AXL: variants seen among roughly 807,000 people sequenced by gnomAD.
The protein encoded by AXL is AXL receptor tyrosine kinase, also known as tyrosine-protein kinase receptor UFO.
In AXL, 52 loss-of-function variants were observed where a neutral mutation model predicts 104.5. That is an observed-to-expected ratio of 0.50 (90% confidence interval 0.40 to 0.63). The LOEUF (loss-of-function observed/expected upper bound fraction) is 0.63. Among genes scored for constraint, AXL ranks in the 20% least tolerant of loss-of-function variants. AXL has a pLI of 0.00. For synonymous variants in AXL, 455 were observed against 473.7 expected (o/e 0.96, Z 0.51); for missense variants, 1,024 against 1,188.5 (o/e 0.86, Z 2.04).
intron 12 of AXL, among the ~76,000 whole-genome samples, chr19:41,246,540 TAA>T (rs528632596): frequency 4.2e-5 from 6 of 141,344 alleles, no homozygotes; most frequent in East Asian, 2.0e-4. Context: ...CATCTCTATT[TAA>T]AAAAAAAAAA....
intron 15 of AXL, 58 bp from the exon 16 acceptor site, chr19:41,252,788 G>T (rs529609962): frequency 6.2e-7 from 1 of 1,606,824 alleles, no homozygotes; most frequent in Non-Finnish European, 8.5e-7. Flanking sequence ...CTGGCTGGTG[G>T]GGGGCTTGGC....
chr19:41,230,093 G>T (rs2122216807), intron 4 of AXL, among the ~76,000 whole-genome samples: 1 of 152,184 alleles, frequency 6.6e-6, no homozygotes, highest in African/African-American at 2.4e-5. Context: ...GAGTATGTGA[G>T]TATCTAGGTG....
At chr19:41,230,153 TTC>T (rs1491261611) in intron 4 of AXL, among the ~76,000 whole-genome samples, 2,024 of 112,202 alleles carry the variant, frequency 0.018, 42 homozygotes, top group African/African-American at 0.061. Context: ...CTGTGTCTGT[TTC>T]TGTGTCTGTG....
rs139463516 is a variant in AXL at position 41,228,762 on chromosome 19, C to T, written c.587-2205C>T. ...GGACGAAACAGACACAACCCCTGCC[C>T]TCCTAGAGCTGACATTCTAGTGGGA... On this transcript the variant is annotated intron_variant, in intron 4 of 19. Coordinates refer to ENST00000301178, the MANE Select transcript of AXL (RefSeq NM_021913.5). 6.0e-3 allele frequency among the ~76,000 whole-genome samples: 920 copies of T among 152,222 alleles called. 5 individuals are homozygous for T. The highest frequency in any genetic ancestry group is 0.021 in the African/African-American group (858 of 41,526).
At chr19:41,257,452 C>T in intron 18 of AXL, 41 bp from the exon 19 acceptor site, 1 of 1,612,288 alleles carries the variant, frequency 6.2e-7, no homozygotes, top group Non-Finnish European at 8.5e-7. Flanking sequence ...GCGGGTGATT[C>T]TGTGCAGGAG....
Position 41,253,670 on chromosome 19 carries a change from G to A in AXL, c.1998G>A (p.Lys666=), listed in dbSNP as rs1451103458. The A allele has an allele frequency of 6.2e-7, 1 of 1,613,416 alleles. No individual in the cohort carries two copies. Among genetic ancestry groups the A allele is most frequent in the Non-Finnish European group, 8.5e-7 (1 of 1,179,814 alleles). ...IASGMEYLST[K]RFIHRDLAAR... The stretch of plus-strand genomic sequence containing the variant: ...GTGGCATGGAGTATCTGAGTACCAA[G>A]AGATTCATACACCGGGACCTGGCGG... The change falls in exon 17 of 20, where the codon AAG becomes AAA. Residue 666 remains lysine, a synonymous_variant. Coordinates refer to ENST00000301178, the MANE Select transcript of AXL (RefSeq NM_021913.5).
intron 14 of AXL, among the ~76,000 whole-genome samples, chr19:41,251,796 C>T (rs2034367520): frequency 6.6e-6 from 1 of 151,672 alleles, no homozygotes. Context: ...AATAGTAGCA[C>T]CTGAGAAGAT....
chr19:41,233,631 GA>G (rs1021339580), intron 6 of AXL, among the ~76,000 whole-genome samples: 14 of 136,340 alleles, frequency 1.0e-4, no homozygotes, highest in Admixed American at 1.5e-4. Flanking sequence ...CTCTGTCTGA[GA>G]AAAAAAAAAA....
At chr19:41,248,988 C>T (rs1453462068) in intron 14 of AXL, among the ~76,000 whole-genome samples, 168 bp downstream of exon 14, 1 of 152,078 alleles carries the variant, frequency 6.6e-6, no homozygotes, top group Non-Finnish European at 1.5e-5. Context: ...GAGATTAGTA[C>T]AAAGGTGGGA....
rs190095433 is a variant in AXL, at chr19:41,261,370, A to G, written c.*1466A>G. On this transcript the variant is annotated 3_prime_UTR_variant, in exon 20 of 20. Transcript: ENST00000301178. The stretch of plus-strand genomic sequence containing the variant: ...TGCTGCATTCTGCCTCTCTAGGACC[A>G]TGGTTAAGAGTCCAAGAATCCACAT... 3 of 152,770 alleles carry G rather than the reference A, an allele frequency of 2.0e-5. No individual in the cohort carries two copies. The highest frequency in any genetic ancestry group is 2.0e-4 in the Admixed American group (3 of 15,294). The allele number at this position is 152,770 out of a possible 1,614,324, so 9.5% of individuals were successfully genotyped here.
Position 41,220,620 on chromosome 19 carries a change from C to G in AXL, c.86-16C>G. 1.3e-6 allele frequency: 2 copies of G among 1,552,990 alleles called. No individual in the cohort carries two copies. Among genetic ancestry groups the G allele is most frequent in the Non-Finnish European group, 1.7e-6 (2 of 1,146,876 alleles). ...CTGGGGGGTTCCTAAGCTAACTCTT[C>G]CCATCTCCCCTCCAGGCACGCAGGC... is the stretch of plus-strand genomic sequence containing the variant. On this transcript the variant is annotated splice_polypyrimidine_tract_variant and intron_variant, in intron 1 of 19. Coordinates refer to ENST00000301178, the MANE Select transcript of AXL (RefSeq NM_021913.5).
At chr19:41,229,562 G>A (rs1465998353) in intron 4 of AXL, among the ~76,000 whole-genome samples, 1 of 152,194 alleles carries the variant, frequency 6.6e-6, no homozygotes, top group Non-Finnish European at 1.5e-5. Flanking sequence ...ACTATGCCTG[G>A]CCAAGCTCCA....
chr19:41,237,570 A>G (rs774381556), intron 6 of AXL, among the ~76,000 whole-genome samples: 2 of 152,082 alleles, frequency 1.3e-5, no homozygotes, highest in South Asian at 4.2e-4. Context: ...TCATCACACT[A>G]TTATTATCGG....
Position 41,223,404 on chromosome 19 carries a change from C to T in AXL, c.586+1348C>T, listed in dbSNP as rs531995103. On this transcript the variant is annotated intron_variant, in intron 4 of 19. Transcript: ENST00000301178. The stretch of plus-strand genomic sequence containing the variant: ...CTGCACCATGCAGACGAGGAAGGAC[C>T]GAGCTCAGGGTTATGCAGTGGTCAG... 1.4e-4 allele frequency among the ~76,000 whole-genome samples: 21 copies of T among 152,280 alleles called. No homozygotes were observed. In the East Asian group the frequency reaches 2.3e-3, roughly 17 times the overall value.
intron 14 of AXL, among the ~76,000 whole-genome samples, chr19:41,251,713 C>CA (rs1022506993): frequency 2.5e-4 from 37 of 150,916 alleles, no homozygotes; most frequent in South Asian, 1.9e-3. Flanking sequence ...GACCCTGTCT[C>CA]AAAAAATAAA....
intron 18 of AXL, 113 bp from the exon 19 acceptor site, chr19:41,257,380 C>A: frequency 7.1e-7 from 1 of 1,402,766 alleles, no homozygotes. Flanking sequence ...GTGATGCTCC[C>A]AGAGGATGGT....
chr19:41,251,739 CAAAAA>C (rs2034365953), intron 14 of AXL, among the ~76,000 whole-genome samples: 1 of 150,446 alleles, frequency 6.6e-6, no homozygotes, highest in African/African-American at 2.4e-5. Flanking sequence ...AAAACAAAAA[CAAAAA>C]CAAAACAAAA....
At chr19:41,223,301 A>AAAAAC (rs1471025596) in intron 4 of AXL, among the ~76,000 whole-genome samples, 1 of 152,132 alleles carries the variant, frequency 6.6e-6, no homozygotes, top group Non-Finnish European at 1.5e-5. Context: ...TCTCAAAACG[A>AAAAAC]AAAACAAAAC....
chr19:41,238,132 T>G lies in AXL; in HGVS notation c.972T>G (p.Leu324=), dbSNP rs917221738. Residue 324 remains leucine (L), a synonymous_variant, in exon 7 of 20, where the codon CTT becomes CTG. Transcript: ENST00000301178. The part of the protein sequence containing the change: ...SQGPSSWTHW[L]PVETPEGVPL... ...GCCCCTCATCCTGGACCCACTGGCT[T>G]CCTGTGGAGACGCCGGAGGGAGGTA... 6.2e-7 allele frequency: 1 copy of G among 1,614,006 alleles called. No homozygotes were observed. Among genetic ancestry groups the G allele is most frequent in the Non-Finnish European group, 8.5e-7 (1 of 1,179,970 alleles).
Sources: allele counts gnomAD v4.1 joint callset (sites outside exome capture counted in the v4.1 genomes callset), GRCh38; gene constraint gnomAD v4.1.1; transcripts MANE v1.5; gene names NCBI Gene and HGNC (gene_info 2026-07-23, HGNC 2026-07-21).